The following KIF13B variants were observed in gnomAD, a reference collection of about 807,000 sequenced individuals.
KIF13B encodes the protein kinesin family member 13B, also known as kinesin-like protein KIF13B.
KIF13B carries 127 observed loss-of-function variants against 222.0 expected under a neutral mutation model. The ratio of observed to expected loss-of-function variants is 0.57; its 90% CI spans 0.50 to 0.66. The LOEUF is 0.66. Ranked by LOEUF, KIF13B falls within the 30% of genes least tolerant of loss-of-function variation. The probability of loss-of-function intolerance (pLI) is 0.00; values close to 1 mark genes in which losing one functional copy is unlikely to be tolerated. For synonymous variants in KIF13B, 976 were observed against 919.0 expected (o/e 1.06, Z -1.12); for missense variants, 2,173 against 2,379.0 (o/e 0.91, Z 1.80).
chr8:29,089,754 C>T (rs1419295862), intron 37 of KIF13B, among the ~76,000 whole-genome samples: 3 of 151,704 alleles, frequency 2.0e-5, no homozygotes, highest in South Asian at 4.2e-4. Context: ...ATCAGCCAAG[C>T]GTGGTGGCAG....
chr8:29,071,475 C>A lies in KIF13B; in HGVS notation c.5218+145G>T. ...TGCCCCCAGCCTCACCCCTGCAGGCCCAGCCGCTCCCGCAGCTTCAGCCAA... is the reference window on the plus strand; with the variant it reads ...TGCCCCCAGCCTCACCCCTGCAGGCACAGCCGCTCCCGCAGCTTCAGCCAA... On this transcript the variant is annotated intron_variant, in intron 39 of 39. Coordinates refer to ENST00000524189, the MANE Select transcript of KIF13B (RefSeq NM_015254.4). This position sits in a 1 kb window ranked among gnomAD's most constrained non-coding sequence, Gnocchi z 4.9. The A allele has an allele frequency of 1.4e-6, 1 of 697,906 alleles. No homozygotes were observed. The allele number at this position is 697,906 out of a possible 1,614,324, so 43.2% of individuals were successfully genotyped here.
chr8:29,226,087 T>C (rs1385817118), intron 2 of KIF13B, among the ~76,000 whole-genome samples: 1 of 152,148 alleles, frequency 6.6e-6, no homozygotes, highest in African/African-American at 2.4e-5. Flanking sequence ...ACCTTCTGCA[T>C]TGAATACATG....
Position 29,144,030 on chromosome 8 carries a change from CAA to C in KIF13B, c.2188-1729_2188-1728del, listed in dbSNP as rs367589804. Among the ~76,000 whole-genome samples, 348 of 144,704 alleles carry C rather than the reference CAA, an allele frequency of 2.4e-3. 1 individual carries two copies. The highest frequency in any genetic ancestry group is 8.5e-3 in the African/African-American group (331 of 39,012). 94.9% of individuals were successfully genotyped at this position (144,704 alleles called of 152,430 possible). ...AAATTTTAGAACTTTTAAAAAACCA[CAA>C]AGTTAAAAAAAAAAAAGCCCCTATA... On this transcript the variant is annotated intron_variant, in intron 18 of 39. Transcript: ENST00000524189.
intron 2 of KIF13B, among the ~76,000 whole-genome samples, chr8:29,224,790 A>G (rs561486649): frequency 6.6e-6 from 1 of 152,296 alleles, no homozygotes; most frequent in Admixed American, 6.5e-5. Context: ...TCAAATGTTA[A>G]TTAGTTATTC....
chr8:29,251,285 A>G (rs79900108), intron 1 of KIF13B, among the ~76,000 whole-genome samples: 7,916 of 152,314 alleles, frequency 0.052, 305 homozygotes, highest in Admixed American at 0.095. Context: ...TTAAAATACT[A>G]AATTAAAAAA....
At chr8:29,133,996 CAT>C (rs767457432) in intron 22 of KIF13B, 42 bp downstream of exon 22, 2 of 1,564,296 alleles carry the variant, frequency 1.3e-6, no homozygotes, top group African/African-American at 2.7e-5. Flanking sequence ...TTTGTTTTCA[CAT>C]GAGTAATCTA....
chr8:29,182,534 A>G (rs1812753681), intron 6 of KIF13B, among the ~76,000 whole-genome samples: 1 of 152,218 alleles, frequency 6.6e-6, no homozygotes, highest in South Asian at 2.1e-4. Flanking sequence ...AAGTATGATC[A>G]TTTCAATAAA....
chr8:29,136,015 C>G (rs919667788), intron 21 of KIF13B, among the ~76,000 whole-genome samples: 1 of 152,078 alleles, frequency 6.6e-6, no homozygotes, highest in Non-Finnish European at 1.5e-5. Flanking sequence ...ACAGGAACCC[C>G]CGTTATAATT....
chr8:29,189,448 G>C (rs190805657), intron 4 of KIF13B: 4 of 152,002 alleles, frequency 2.6e-5, no homozygotes, highest in African/African-American at 9.7e-5. Flanking sequence ...AAAAACAGGC[G>C]ACAAAAGCAG....
intron 38 of KIF13B, among the ~76,000 whole-genome samples, chr8:29,074,596 C>T (rs1807465153): frequency 6.6e-6 from 1 of 152,270 alleles, no homozygotes. Context: ...ACACTCAAAC[C>T]TGCCTCAGAG....
In KIF13B at chr8:29,118,901, A is replaced by G; in HGVS notation, c.3627T>C (p.Phe1209=). ...TLTGEEEEEF[F]ELQIVKQHDG... ...CATGCTGCTTCACAATCTGCAATTC[A>G]AAGAACTCCTCTTCTTCTTCCCCAG... is the stretch of plus-strand genomic sequence containing the variant. Residue 1209 remains phenylalanine, a synonymous_variant, in exon 30 of 40, where the codon TTT becomes TTC. Transcript: ENST00000524189. 6.2e-7 allele frequency: 1 copy of G among 1,613,990 alleles called. No homozygotes were observed. The highest frequency in any genetic ancestry group is 1.3e-5 in the African/African-American group (1 of 75,048).
rs1462108551 is a variant in KIF13B at position 29,109,606 on chromosome 8, CAG to C, written c.4084-97_4084-96del. ...AGCAGACTTGCAACCCCCATCTATA[CAG>C]ACATTCCTAGCTATTTAAACAATGC... On this transcript the variant is annotated intron_variant, in intron 33 of 39. Transcript: ENST00000524189. 5 of 967,424 alleles carry C rather than the reference CAG, an allele frequency of 5.2e-6. No homozygotes were observed. The East Asian group carries it at 9.5e-5, about 18-fold the overall frequency. 59.9% of individuals were successfully genotyped at this position (967,424 alleles called of 1,614,324 possible). A position where few individuals can be genotyped will look rare whatever the true frequency, so the allele number is the denominator to read the frequency against.
chr8:29,248,266 C>T (rs1450620357), intron 1 of KIF13B, among the ~76,000 whole-genome samples: 1 of 152,100 alleles, frequency 6.6e-6, no homozygotes, highest in Non-Finnish European at 1.5e-5. Context: ...TCATAACAGC[C>T]AAAAAGTGGA....
upstream of KIF13B, chr8:29,263,083 G>C (rs535194258): frequency 3.2e-6 from 5 of 1,546,108 alleles, no homozygotes; most frequent in Middle Eastern, 1.7e-4. Context: ...CGCGGCCACC[G>C]GCGACTCTTC....
At chr8:29,075,135 G>A in intron 38 of KIF13B, 146 bp downstream of exon 38, 1 of 675,214 alleles carries the variant, frequency 1.5e-6, no homozygotes, top group South Asian at 1.7e-5. Flanking sequence ...AAAATAGAGA[G>A]GGAGAAGGCA....
chr8:29,236,523 T>C (rs1164102500), intron 2 of KIF13B, among the ~76,000 whole-genome samples: 1 of 152,230 alleles, frequency 6.6e-6, no homozygotes, highest in Non-Finnish European at 1.5e-5. Flanking sequence ...CGATGATCTT[T>C]ACATAAATTC....
chr8:29,165,537 C>G, intron 12 of KIF13B, 125 bp downstream of exon 12: 1 of 621,008 alleles, frequency 1.6e-6, no homozygotes, highest in Non-Finnish European at 2.9e-6. Context: ...GATCTAGATT[C>G]CTAATGATAG....
At chr8:29,127,303 T>G (rs760064388) in intron 24 of KIF13B, 35 bp from the exon 25 acceptor site, 2 of 1,589,116 alleles carry the variant, frequency 1.3e-6, no homozygotes, top group Non-Finnish European at 1.7e-6. Flanking sequence ...TTAAAATCAG[T>G]GTCTTGATTT....
rs142018377 is a variant in KIF13B at position 29,233,067 on chromosome 8, A to T, written c.149+12279T>A. ...GCTACTCAGGAGGCTGAGGCAGGAGAATCACTTGAACCCGAGAGGTGGAGG... is the reference window on the plus strand; with the variant it reads ...GCTACTCAGGAGGCTGAGGCAGGAGTATCACTTGAACCCGAGAGGTGGAGG... On this transcript the variant is annotated intron_variant, in intron 2 of 39. Coordinates refer to ENST00000524189, the MANE Select transcript of KIF13B (RefSeq NM_015254.4). Among the ~76,000 whole-genome samples, 975 of 152,328 alleles carry T rather than the reference A, an allele frequency of 6.4e-3. 10 individuals are homozygous for T. The highest frequency in any genetic ancestry group is 0.023 in the African/African-American group (942 of 41,568).
Sources: allele counts gnomAD v4.1 joint callset (sites outside exome capture counted in the v4.1 genomes callset), GRCh38; gene constraint gnomAD v4.1.1; non-coding constraint Gnocchi (gnomAD v3.1); transcripts MANE v1.5; gene names NCBI Gene and HGNC (gene_info 2026-07-23, HGNC 2026-07-21).